LPAR1: variants seen among roughly 807,000 people sequenced by gnomAD.
The protein encoded by LPAR1 is lysophosphatidic acid receptor 1.
LPAR1 carries 5 observed loss-of-function variants against 23.8 expected under a neutral mutation model. The ratio of observed to expected loss-of-function variants is 0.21; its 90% confidence interval spans 0.11 to 0.44. The LOEUF (loss-of-function observed/expected upper bound fraction) is 0.44, where lower values mean the gene tolerates loss of function less well. Ranked by LOEUF, LPAR1 falls within the 20% of genes least tolerant of loss-of-function variation. The pLI is 0.99. For missense variants in LPAR1, 311 were observed against 482.8 expected, an observed-to-expected ratio of 0.64 and a Z score of 3.33; for synonymous variants, 160 against 164.7, an observed-to-expected ratio of 0.97 and a Z score of 0.22.
At chr9:110,883,461 A>G (rs1055911266) in intron 5 of LPAR1, among the ~76,000 whole-genome samples, 2 of 152,238 alleles carry the variant, frequency 1.3e-5, no homozygotes, top group Non-Finnish European at 2.9e-5. Flanking sequence ...GGAAGGAAGA[A>G]CAAAACAGTT....
rs1310817019 is a variant in LPAR1, at chr9:110,892,860, GGCAGGCAT to G, written c.794-17146_794-17139del. ...AGGCAGGCAGGCAGGCAGGCAGGCA[GGCAGGCAT>G]GCAGGCAGGCAGGCTCAAAAACACT... On this transcript the variant is annotated intron_variant, in intron 5 of 5. Transcript: ENST00000683809. 4.3e-3 allele frequency among the ~76,000 whole-genome samples: 459 copies of G among 107,890 alleles called. 4 individuals carry two copies. Among genetic ancestry groups the G allele is most frequent in the African/African-American group, 7.6e-3 (249 of 32,756 alleles). The allele number at this position is 107,890 out of a possible 152,430, so 70.8% of individuals were successfully genotyped here. A position where few individuals can be genotyped will look rare whatever the true frequency, so the allele number is the denominator to read the frequency against.
At chr9:110,969,857 T>C (rs1407640741) in intron 4 of LPAR1, among the ~76,000 whole-genome samples, 1 of 152,244 alleles carries the variant, frequency 6.6e-6, no homozygotes, top group African/African-American at 2.4e-5. Flanking sequence ...TGAATATCTT[T>C]ATACATTCCT....
At chr9:110,907,769 T>C (rs1307613902) in intron 5 of LPAR1, among the ~76,000 whole-genome samples, 1 of 152,168 alleles carries the variant, frequency 6.6e-6, no homozygotes, top group African/African-American at 2.4e-5. Flanking sequence ...TTAATAATAA[T>C]GCACAGATTA....
chr9:110,985,023 A>C (rs2096752079), intron 2 of LPAR1, among the ~76,000 whole-genome samples: 1 of 152,042 alleles, frequency 6.6e-6, no homozygotes, highest in African/African-American at 2.4e-5. Context: ...GGCCATGCTA[A>C]ACTTTTTATC....
At chr9:111,006,015 A>T (rs2097212432) in intron 2 of LPAR1, among the ~76,000 whole-genome samples, 1 of 152,144 alleles carries the variant, frequency 6.6e-6, no homozygotes, top group Non-Finnish European at 1.5e-5. Flanking sequence ...CACTATAATT[A>T]TTTTTTTATC....
intron 2 of LPAR1, among the ~76,000 whole-genome samples, chr9:111,013,242 C>T (rs2097368755): frequency 6.6e-6 from 1 of 152,244 alleles, no homozygotes; most frequent in Middle Eastern, 3.4e-3. Flanking sequence ...GTTCTAAATA[C>T]ACACGCAAAC....
intron 2 of LPAR1, among the ~76,000 whole-genome samples, chr9:111,025,521 C>A (rs2097673074): frequency 2.0e-5 from 3 of 152,144 alleles, no homozygotes; most frequent in Admixed American, 6.5e-5. Context: ...ATGATAGTTT[C>A]TTTTGCTGTG....
At chr9:110,977,873 AAG>A (rs2096591166) in intron 2 of LPAR1, among the ~76,000 whole-genome samples, 2 of 146,280 alleles carry the variant, frequency 1.4e-5, no homozygotes, top group Non-Finnish European at 3.0e-5. Flanking sequence ...GGAAGGAAGG[AAG>A]GAAGGAAGGA....
chr9:110,881,534 A>T (rs1046480173), intron 5 of LPAR1, among the ~76,000 whole-genome samples: 1 of 152,078 alleles, frequency 6.6e-6, no homozygotes, highest in Non-Finnish European at 1.5e-5. Flanking sequence ...TTGCGCACGT[A>T]CAAGTTCCAT....
At chr9:110,984,925 T>C (rs1366984715) in intron 2 of LPAR1, among the ~76,000 whole-genome samples, 1 of 152,030 alleles carries the variant, frequency 6.6e-6, no homozygotes, top group African/African-American at 2.4e-5. Flanking sequence ...ATCAATACTG[T>C]TTCATTTCTA....
chr9:110,933,633 G>A (rs1156611874), intron 5 of LPAR1, among the ~76,000 whole-genome samples: 1 of 152,180 alleles, frequency 6.6e-6, no homozygotes, highest in East Asian at 1.9e-4. Flanking sequence ...CTAGGAAACA[G>A]TGATTCTCAG....
At chr9:111,007,273 A>T (rs941418252) in intron 2 of LPAR1, among the ~76,000 whole-genome samples, 4 of 152,166 alleles carry the variant, frequency 2.6e-5, no homozygotes, top group African/African-American at 9.7e-5. Flanking sequence ...TCTTTACAGC[A>T]GTATAAAAAT....
chr9:111,018,359 C>A (rs1049422214), intron 2 of LPAR1, among the ~76,000 whole-genome samples: 27 of 152,184 alleles, frequency 1.8e-4, no homozygotes, highest in African/African-American at 6.5e-4. Context: ...TAAAAATCAT[C>A]CCTGCCTTTT....
intron 4 of LPAR1, among the ~76,000 whole-genome samples, chr9:110,961,637 AAAAG>A (rs1564176170): frequency 2.1e-5 from 3 of 145,162 alleles, no homozygotes; most frequent in East Asian, 2.0e-4. Context: ...AAAAAAAAAA[AAAAG>A]AAAGAAAGAA....
rs187838932 is a variant in LPAR1, at chr9:110,877,322, C to T, written c.794-1600G>A. ...TGTGTATTGGTTTTAAACTGCTGTT[C>T]ACTTTGAAGATTGGCCAAGGTACTT... On this transcript the variant is annotated intron_variant, in intron 5 of 5. Coordinates refer to ENST00000683809, the MANE Select transcript of LPAR1 (RefSeq NM_001351411.2). Among the ~76,000 whole-genome samples the T allele has an allele frequency of 2.6e-3, 395 of 152,278 alleles. 1 individual carries two copies. Among genetic ancestry groups the T allele is most frequent in the African/African-American group, 9.2e-3 (381 of 41,560 alleles).
At chr9:111,004,874 T>A (rs76375748) in intron 2 of LPAR1, among the ~76,000 whole-genome samples, 2,321 of 152,294 alleles carry the variant, frequency 0.015, 61 homozygotes, top group African/African-American at 0.052. Flanking sequence ...TTCAAATCCA[T>A]TCTTGGTTGA....
At chr9:110,893,433 T>C (rs1423364632) in intron 5 of LPAR1, among the ~76,000 whole-genome samples, 1 of 152,222 alleles carries the variant, frequency 6.6e-6, no homozygotes, top group African/African-American at 2.4e-5. Flanking sequence ...CATGGGAAGA[T>C]ACGCACATTA....
At chr9:110,952,215 T>A (rs1434307058) in intron 4 of LPAR1, among the ~76,000 whole-genome samples, 1 of 152,114 alleles carries the variant, frequency 6.6e-6, no homozygotes, top group African/African-American at 2.4e-5. Flanking sequence ...CTGGAACAGC[T>A]CTTCGATGTA....
At chr9:111,010,201 A>G (rs921088895) in intron 2 of LPAR1, among the ~76,000 whole-genome samples, 7 of 152,038 alleles carry the variant, frequency 4.6e-5, no homozygotes, top group Admixed American at 3.3e-4. Flanking sequence ...CACTGCCTTT[A>G]AATGTTAAAA....
Sources: allele counts gnomAD v4.1 joint callset (sites outside exome capture counted in the v4.1 genomes callset), GRCh38; gene constraint gnomAD v4.1.1; transcripts MANE v1.5; gene names NCBI Gene and HGNC (gene_info 2026-07-23, HGNC 2026-07-21).